The following EHBP1 variants were observed in gnomAD, a reference collection of about 807,000 sequenced individuals.
EHBP1 encodes EH domain-binding protein 1.
Under a neutral mutation model 144.0 loss-of-function variants are expected in EHBP1, and 55 were observed. That is an observed-to-expected ratio of 0.38 (90% CI 0.31 to 0.48). The LOEUF (loss-of-function observed/expected upper bound fraction) is 0.48. EHBP1 is among the 20% of genes least tolerant of loss of function. The pLI, the probability that EHBP1 is intolerant of heterozygous loss-of-function variation, is 0.98. For missense variants in EHBP1, 1,200 were observed against 1,364.2 expected (o/e 0.88, Z 1.90); for synonymous variants, 469 against 472.7 (o/e 0.99, Z 0.10).
chr2:62,715,500 A>T (rs1357554554), intron 2 of EHBP1, among the ~76,000 whole-genome samples: 1 of 151,978 alleles, frequency 6.6e-6, no homozygotes, highest in African/African-American at 2.4e-5. Flanking sequence ...TGAATTTTAA[A>T]GAGTCATATG....
At position 62,953,973 on chromosome 2, in the gene EHBP1, G is replaced by A. The variant is rs145820109; in HGVS notation, c.2317-1544G>A. Among the ~76,000 whole-genome samples, 320 of 152,182 alleles carry A rather than the reference G, an allele frequency of 2.1e-3. 1 individual carries two copies. Among genetic ancestry groups the A allele is most frequent in the African/African-American group, 7.2e-3 (299 of 41,512 alleles). On this transcript the variant is annotated intron_variant, in intron 13 of 22. Coordinates refer to ENST00000431489, the MANE Select transcript of EHBP1 (RefSeq NM_001142616.3). Reference sequence around the variant, plus strand: ...TCATTTCAAAGATTAGGAAATCAAGGGATTAAAACAAGTAGTTAATGTTTA... The same window carrying A: ...TCATTTCAAAGATTAGGAAATCAAGAGATTAAAACAAGTAGTTAATGTTTA...
At chr2:62,775,389 C>G (rs990531401) in intron 5 of EHBP1, among the ~76,000 whole-genome samples, 2 of 152,172 alleles carry the variant, frequency 1.3e-5, no homozygotes, top group African/African-American at 2.4e-5. Flanking sequence ...TTTCAAAGAG[C>G]TAAAGTTCTT....
At position 62,728,845 on chromosome 2, in the gene EHBP1, ATTTACTACTTC is replaced by A. The variant is rs1312383932; in HGVS notation, c.105-18548_105-18538del. Among the ~76,000 whole-genome samples the A allele has an allele frequency of 2.0e-5, 3 of 152,112 alleles. No individual in the cohort carries two copies. The East Asian group carries it at 5.8e-4, about 29-fold the overall frequency. On this transcript the variant is annotated intron_variant, in intron 2 of 22. Transcript: ENST00000431489. Reference sequence around the variant, plus strand: ...CTTTGCCTAACCCAAAGTCACAAAGATTTACTACTTCTATTTTTTATAAGAGTTTTATAATT... The same window carrying A: ...CTTTGCCTAACCCAAAGTCACAAAGATATTTTTTATAAGAGTTTTATAATT...
intron 10 of EHBP1, among the ~76,000 whole-genome samples, chr2:62,900,682 G>GTATATATATA (rs1445035888): frequency 4.8e-5 from 7 of 144,424 alleles, no homozygotes; most frequent in African/African-American, 2.0e-4. Flanking sequence ...GTGTGTGTAT[G>GTATATATATA]TGTATATATA....
intron 10 of EHBP1, among the ~76,000 whole-genome samples, chr2:62,881,135 C>G (rs946889642): frequency 6.6e-6 from 1 of 152,008 alleles, no homozygotes; most frequent in Non-Finnish European, 1.5e-5. Flanking sequence ...CAAGTTAACT[C>G]AGGAACGGAA....
At chr2:62,738,214 A>G (rs921250278) in intron 2 of EHBP1, among the ~76,000 whole-genome samples, 1 of 152,124 alleles carries the variant, frequency 6.6e-6, no homozygotes, top group Admixed American at 6.5e-5. Context: ...CCCTCCTATC[A>G]TATCCTCCCT....
intron 14 of EHBP1, among the ~76,000 whole-genome samples, chr2:62,971,426 T>C (rs1001773864): frequency 6.6e-6 from 1 of 152,208 alleles, no homozygotes; most frequent in Admixed American, 6.5e-5. Flanking sequence ...TAGTTGCTCA[T>C]CATCTCTCTG....
At chr2:62,692,311 A>T (rs1011428258) in intron 1 of EHBP1, among the ~76,000 whole-genome samples, 4 of 152,162 alleles carry the variant, frequency 2.6e-5, no homozygotes, top group African/African-American at 9.7e-5. Flanking sequence ...CCACTATTTG[A>T]TTATTATGAA....
intron 10 of EHBP1, among the ~76,000 whole-genome samples, chr2:62,921,272 C>T (rs748627963): frequency 6.6e-6 from 1 of 151,864 alleles, no homozygotes; most frequent in African/African-American, 2.4e-5. Context: ...ATAGCGAAAC[C>T]CCATCTTTAC....
At chr2:62,812,640 T>G (rs1438585174) in intron 5 of EHBP1, among the ~76,000 whole-genome samples, 1 of 152,210 alleles carries the variant, frequency 6.6e-6, no homozygotes, top group Admixed American at 6.5e-5. Flanking sequence ...ATCCTTATTA[T>G]GAAGTTGCAA....
chr2:62,868,634 G>A (rs1000632200), intron 9 of EHBP1, among the ~76,000 whole-genome samples: 3 of 142,444 alleles, frequency 2.1e-5, no homozygotes, highest in African/African-American at 7.9e-5. Flanking sequence ...AATATGTAAA[G>A]AACTCTTTTA....
At chr2:62,731,747 A>G (rs2037623999) in intron 2 of EHBP1, among the ~76,000 whole-genome samples, 1 of 152,150 alleles carries the variant, frequency 6.6e-6, no homozygotes, top group Non-Finnish European at 1.5e-5. Flanking sequence ...TAAATGTCGA[A>G]CCAACCTTGC....
upstream of EHBP1, among the ~76,000 whole-genome samples, chr2:62,704,595 GC>G (rs1434957500): frequency 2.0e-5 from 3 of 151,692 alleles, no homozygotes; most frequent in Non-Finnish European, 4.4e-5. Context: ...CAAACTGTCT[GC>G]CCATAGCTTG....
intron 8 of EHBP1, among the ~76,000 whole-genome samples, chr2:62,860,950 T>C (rs1255663233): frequency 1.3e-5 from 2 of 151,900 alleles, no homozygotes; most frequent in African/African-American, 4.8e-5. Flanking sequence ...TTAGAGTAAG[T>C]ATTTTTTATT....
chr2:62,788,085 T>C (rs2042935402), intron 5 of EHBP1, among the ~76,000 whole-genome samples: 1 of 152,232 alleles, frequency 6.6e-6, no homozygotes, highest in African/African-American at 2.4e-5. Context: ...AAGGGATTTT[T>C]AAAGAATGCC....
intron 10 of EHBP1, among the ~76,000 whole-genome samples, chr2:62,929,549 C>T (rs759952421): frequency 6.6e-6 from 1 of 151,812 alleles, no homozygotes; most frequent in Non-Finnish European, 1.5e-5. Flanking sequence ...AAAAATTAAA[C>T]ATACTAGGAA....
At chr2:62,825,483 C>CAACTGTTT (rs1165020989) in intron 5 of EHBP1, among the ~76,000 whole-genome samples, 5 of 151,404 alleles carry the variant, frequency 3.3e-5, no homozygotes, top group African/African-American at 9.7e-5. Flanking sequence ...ATCAGAAAGC[C>CAACTGTTT]AACTGTTTCT....
chr2:62,770,094 T>A (rs551690179), intron 4 of EHBP1, among the ~76,000 whole-genome samples: 1 of 152,176 alleles, frequency 6.6e-6, no homozygotes, highest in South Asian at 2.1e-4. Context: ...AATACCTTCC[T>A]GAACATAGGA....
intron 10 of EHBP1, among the ~76,000 whole-genome samples, chr2:62,886,061 C>G (rs1186731373): frequency 2.0e-5 from 3 of 152,188 alleles, no homozygotes; most frequent in Non-Finnish European, 4.4e-5. Context: ...TAACTCACAG[C>G]AGTCTTACTT....
Sources: gnomAD v4.1 joint callset for allele counts (sites outside exome capture counted in the v4.1 genomes callset) on GRCh38, gnomAD v4.1.1 for gene constraint, MANE v1.5 for transcripts, NCBI Gene and HGNC (gene_info 2026-07-23, HGNC 2026-07-21) for gene names.